Variants in MACROD2 observed in about 807,000 individuals in gnomAD.
MACROD2 encodes the protein ADP-ribose glycohydrolase MACROD2.
MACROD2 carries 36 observed loss-of-function variants against 70.4 expected under a neutral mutation model. The ratio of observed to expected loss-of-function variants is 0.51; its 90% CI spans 0.39 to 0.68. MACROD2 has a LOEUF of 0.68. Ranked by LOEUF, MACROD2 falls within the 30% of genes least tolerant of loss-of-function variation. The pLI is 0.00. For synonymous variants in MACROD2, 172 were observed against 178.8 expected (o/e 0.96, Z 0.30); for missense variants, 496 against 538.4 (o/e 0.92, Z 0.78).
rs538649638 is a variant in MACROD2 at position 14,502,537 on chromosome 20, C to T, written c.301+9029C>T. Reference sequence around the variant, plus strand: ...TTCTAAAATGATGGTTATAATGGTACCTAACTACTTTACAGGTGTGGAATA... The same window carrying T: ...TTCTAAAATGATGGTTATAATGGTATCTAACTACTTTACAGGTGTGGAATA... On this transcript the variant is annotated intron_variant, in intron 4 of 17. Transcript: ENST00000684519. Among the ~76,000 whole-genome samples the T allele has an allele frequency of 4.6e-5, 7 of 152,172 alleles. 1 individual carries two copies. The South Asian group carries it at 1.2e-3, about 27-fold the overall frequency.
At chr20:15,709,751 G>T (rs1206046303) in intron 8 of MACROD2, among the ~76,000 whole-genome samples, 1 of 152,062 alleles carries the variant, frequency 6.6e-6, no homozygotes, top group African/African-American at 2.4e-5. Flanking sequence ...ATCAAATGTG[G>T]ATAATTAGCA....
chr20:15,035,195 A>G (rs2075303728), intron 5 of MACROD2, among the ~76,000 whole-genome samples: 1 of 152,122 alleles, frequency 6.6e-6, no homozygotes, highest in Non-Finnish European at 1.5e-5. Context: ...GGAGTTCCAG[A>G]CCAGCCTGGG....
chr20:15,533,446 G>A (rs192627880), intron 8 of MACROD2, among the ~76,000 whole-genome samples: 16 of 152,042 alleles, frequency 1.1e-4, no homozygotes, highest in African/African-American at 2.7e-4. Flanking sequence ...TTTGTATTAC[G>A]GGGTACTTTA....
intron 15 of MACROD2, among the ~76,000 whole-genome samples, chr20:16,011,225 ACTT>A (rs1442381973): frequency 6.6e-6 from 1 of 152,208 alleles, no homozygotes; most frequent in African/African-American, 2.4e-5. Context: ...ACCACGCGGC[ACTT>A]CTTTGTTAAA....
At chr20:15,951,368 GAA>G (rs2065903882) in intron 12 of MACROD2, among the ~76,000 whole-genome samples, 2 of 151,112 alleles carry the variant, frequency 1.3e-5, no homozygotes, top group African/African-American at 2.4e-5. Flanking sequence ...GAGAGAGAGA[GAA>G]AGAGCACAGG....
chr20:14,152,984 T>A lies in MACROD2; in HGVS notation c.271+67256T>A, dbSNP rs192161642. ...CAACTAAATTTACTTTGATCATAAA[T>A]TTAAATTGGGATGAATGGGTAGTTA... On this transcript the variant is annotated intron_variant, in intron 3 of 17. Coordinates refer to ENST00000684519, the MANE Select transcript of MACROD2 (RefSeq NM_001351661.2). 6.6e-5 allele frequency among the ~76,000 whole-genome samples: 10 copies of A among 152,296 alleles called. No homozygotes were observed. The East Asian group carries it at 1.9e-3, about 29-fold the overall frequency.
intron 9 of MACROD2, among the ~76,000 whole-genome samples, chr20:15,869,224 T>TAG: frequency 2.0e-5 from 1 of 50,910 alleles, no homozygotes; most frequent in Non-Finnish European, 4.6e-5. Flanking sequence ...TATATATATA[T>TAG]ATATATATAT....
At chr20:14,077,894 CTTTTTTTTT>C (rs58677755) in intron 2 of MACROD2, among the ~76,000 whole-genome samples, 9 of 120,502 alleles carry the variant, frequency 7.5e-5, no homozygotes, top group African/African-American at 1.8e-4. Context: ...AAAGGTTTTT[CTTTTTTTTT>C]TTTTTTTTTC....
chr20:15,378,127 A>G (rs1390832675), intron 6 of MACROD2, among the ~76,000 whole-genome samples: 1 of 151,594 alleles, frequency 6.6e-6, no homozygotes, highest in Non-Finnish European at 1.5e-5. Context: ...GTATCCCAGA[A>G]CTTAAGCTAT....
chr20:15,579,092 T>C (rs1201299798), intron 8 of MACROD2, among the ~76,000 whole-genome samples: 2 of 152,312 alleles, frequency 1.3e-5, no homozygotes, highest in African/African-American at 4.8e-5. Context: ...CAACATTCCA[T>C]ATTTAAGTTG....
At chr20:14,229,341 G>T (rs1601376665) in intron 3 of MACROD2, among the ~76,000 whole-genome samples, 1 of 152,074 alleles carries the variant, frequency 6.6e-6, no homozygotes, top group African/African-American at 2.4e-5. Flanking sequence ...TAAAAGACTG[G>T]TATCTAAAAT....
rs527244190 is a variant in MACROD2, at chr20:15,441,216, C to T, written c.571+9781C>T. 2.0e-4 allele frequency among the ~76,000 whole-genome samples: 31 copies of T among 152,200 alleles called. 1 individual carries two copies. The highest frequency in any genetic ancestry group is 6.8e-3 in the Middle Eastern group (2 of 294). ...TTCACAGAAACATTGATACATACAT[C>T]CCAGAAAATATGGTACAGACTCCTC... On this transcript the variant is annotated intron_variant, in intron 7 of 17. Transcript: ENST00000684519.
intron 3 of MACROD2, among the ~76,000 whole-genome samples, chr20:14,380,566 C>T (rs968158461): frequency 2.0e-5 from 3 of 152,024 alleles, no homozygotes; most frequent in African/African-American, 7.2e-5. Flanking sequence ...AGTTGTTGAT[C>T]CATTTGGAGT....
At chr20:14,532,193 C>T (rs946753928) in intron 4 of MACROD2, among the ~76,000 whole-genome samples, 4 of 151,084 alleles carry the variant, frequency 2.6e-5, no homozygotes, top group Admixed American at 2.6e-4. Flanking sequence ...ACATTTTGTG[C>T]ACAAAACAAT....
At chr20:15,892,789 C>T in intron 10 of MACROD2, 1 of 393,794 alleles carries the variant, frequency 2.5e-6, no homozygotes, top group Non-Finnish European at 4.5e-6. Context: ...TTCGCTCAGC[C>T]ATGATGACAG....
chr20:15,007,702 CTG>C (rs1440170331), intron 5 of MACROD2, among the ~76,000 whole-genome samples: 1 of 152,232 alleles, frequency 6.6e-6, no homozygotes, highest in Non-Finnish European at 1.5e-5. Flanking sequence ...AACAAATACT[CTG>C]GAACTGGGCC....
At chr20:15,894,157 C>T (rs1055540605) in intron 10 of MACROD2, 1 of 359,446 alleles carries the variant, frequency 2.8e-6, no homozygotes, top group Non-Finnish European at 5.5e-6. Context: ...GAAAAGAACT[C>T]TTGAGCTGCT....
intron 5 of MACROD2, among the ~76,000 whole-genome samples, chr20:15,144,159 T>C (rs551582172): frequency 6.6e-6 from 1 of 152,206 alleles, no homozygotes; most frequent in Admixed American, 6.5e-5. Context: ...AGACATCATG[T>C]TGTCCAGGCT....
intron 5 of MACROD2, among the ~76,000 whole-genome samples, chr20:14,728,156 T>C (rs182076676): frequency 6.6e-6 from 1 of 152,172 alleles, no homozygotes; most frequent in African/African-American, 2.4e-5. Context: ...TGTTTTTTAT[T>C]TCAGATCGGA....
Sources: gnomAD v4.1 joint callset for allele counts (sites outside exome capture counted in the v4.1 genomes callset) on GRCh38, gnomAD v4.1.1 for gene constraint, MANE v1.5 for transcripts, NCBI Gene and HGNC (gene_info 2026-07-23, HGNC 2026-07-21) for gene names.